Variants in LRFN5 observed in about 807,000 individuals in gnomAD.
LRFN5 encodes the protein leucine-rich repeat and fibronectin type-III domain-containing protein 5.
In LRFN5, 24 loss-of-function variants were observed where a neutral mutation model predicts 45.6. The observed-to-expected ratio is 0.53, with a 90% CI of 0.38 to 0.74. The LOEUF is 0.74. Among genes scored for constraint, LRFN5 ranks in the 30% least tolerant of loss-of-function variants. The probability of loss-of-function intolerance (pLI) is 0.00; values close to 1 mark genes in which losing one functional copy is unlikely to be tolerated. For synonymous variants in LRFN5, 340 were observed against 313.8 expected (o/e 1.08, Z -0.88); for missense variants, 776 against 861.5 (o/e 0.90, Z 1.24).
chr14:41,891,538 T>G lies in LRFN5; in HGVS notation c.1674T>G (p.Asn558Lys). The G allele has an allele frequency of 5.0e-6, 8 of 1,614,202 alleles. No individual in the cohort carries two copies. The highest frequency in any genetic ancestry group is 6.8e-6 in the Non-Finnish European group (8 of 1,180,040). Residue 558 changes from asparagine to lysine, a missense_variant, in exon 4 of 6, where the codon AAT becomes AAG. Coordinates refer to ENST00000298119, the MANE Select transcript of LRFN5 (RefSeq NM_152447.5). ...LMIRYKVCNNNGQHKVTKVSN... is the reference protein window; with the variant it reads ...LMIRYKVCNNKGQHKVTKVSN... ...TCCGGTATAAGGTTTGCAACAATAATGGGCAACACAAGGTCACCAAGGTTA... is the reference window on the plus strand; with the variant it reads ...TCCGGTATAAGGTTTGCAACAATAAGGGGCAACACAAGGTCACCAAGGTTA...
rs1276978926 is a variant in LRFN5 at position 41,904,413 on chromosome 14, T to C, written c.*238T>C. The stretch of plus-strand genomic sequence containing the variant: ...CTTCTGGCCTACAAGTATTTTTTTT[T>C]TAAAAAAGAAAAAAAGCCTACATTG... On this transcript the variant is annotated 3_prime_UTR_variant, in exon 6 of 6. Coordinates refer to ENST00000298119, the MANE Select transcript of LRFN5 (RefSeq NM_152447.5). 2 of 445,736 alleles carry C rather than the reference T, an allele frequency of 4.5e-6. No homozygotes were observed. Among genetic ancestry groups the C allele is most frequent in the African/African-American group, 4.1e-5 (2 of 49,220 alleles). 27.6% of individuals were successfully genotyped at this position (445,736 alleles called of 1,614,324 possible).
intron 1 of LRFN5, among the ~76,000 whole-genome samples, chr14:41,738,790 A>T (rs1260524794): frequency 6.6e-6 from 1 of 152,132 alleles, no homozygotes; most frequent in Non-Finnish European, 1.5e-5. Flanking sequence ...ATGTGTCTTA[A>T]TGTAGGTTGT....
intron 2 of LRFN5, among the ~76,000 whole-genome samples, chr14:41,859,404 CT>C (rs1300374230): frequency 6.6e-6 from 1 of 152,204 alleles, no homozygotes; most frequent in Non-Finnish European, 1.5e-5. Context: ...CCATTTGCAC[CT>C]GTTTGAGAGG....
At chr14:41,675,531 G>T (rs1881589921) in intron 1 of LRFN5, among the ~76,000 whole-genome samples, 1 of 152,204 alleles carries the variant, frequency 6.6e-6, no homozygotes, top group African/African-American at 2.4e-5. Context: ...CAGGGAGGTT[G>T]CAGTGAGCCG....
At chr14:41,717,457 C>T (rs1883539107) in intron 1 of LRFN5, among the ~76,000 whole-genome samples, 1 of 152,178 alleles carries the variant, frequency 6.6e-6, no homozygotes, top group African/African-American at 2.4e-5. Context: ...TTGCCACCTA[C>T]ATGGTGAAGC....
intron 1 of LRFN5, among the ~76,000 whole-genome samples, chr14:41,706,528 G>T (rs73297727): frequency 0.045 from 6,906 of 151,968 alleles, 514 homozygotes; most frequent in African/African-American, 0.16. Context: ...TATATTGTCA[G>T]TCTGACTTTT....
At chr14:41,735,368 A>T (rs1054988257) in intron 1 of LRFN5, among the ~76,000 whole-genome samples, 1 of 152,094 alleles carries the variant, frequency 6.6e-6, no homozygotes, top group Non-Finnish European at 1.5e-5. Flanking sequence ...CCTGGGCTCA[A>T]GCAATCTCCC....
chr14:41,807,048 A>C (rs146666498), intron 2 of LRFN5, among the ~76,000 whole-genome samples: 49 of 152,266 alleles, frequency 3.2e-4, no homozygotes, highest in African/African-American at 1.2e-3. Context: ...ACTAACTTGC[A>C]TGGCTGTTGA....
chr14:41,771,668 A>G (rs780245004), intron 2 of LRFN5, among the ~76,000 whole-genome samples: 26 of 152,132 alleles, frequency 1.7e-4, no homozygotes, highest in Non-Finnish European at 3.4e-4. Context: ...TCCATTTCCC[A>G]GTAACTTCCT....
At chr14:41,897,089 AAAAT>A (rs527665190) in intron 4 of LRFN5, among the ~76,000 whole-genome samples, 1,691 of 148,528 alleles carry the variant, frequency 0.011, 16 homozygotes, top group African/African-American at 0.026. Context: ...AGACTCTGTC[AAAAT>A]AAATAAATAA....
chr14:41,721,322 C>T (rs187706665), intron 1 of LRFN5, among the ~76,000 whole-genome samples: 2 of 152,100 alleles, frequency 1.3e-5, no homozygotes, highest in East Asian at 1.9e-4. Flanking sequence ...CTTTTTAATC[C>T]GACTTGCAAT....
At chr14:41,865,580 A>G (rs898910401) in intron 2 of LRFN5, among the ~76,000 whole-genome samples, 8 of 152,110 alleles carry the variant, frequency 5.3e-5, no homozygotes, top group African/African-American at 1.9e-4. Flanking sequence ...CTGGTGTGTA[A>G]TTAGGAATGG....
chr14:41,839,587 A>G (rs1888788753), intron 2 of LRFN5, among the ~76,000 whole-genome samples: 1 of 152,106 alleles, frequency 6.6e-6, no homozygotes, highest in South Asian at 2.1e-4. Context: ...TTATCAAATA[A>G]TATGCATTCT....
At chr14:41,772,217 A>C (rs372901063) in intron 2 of LRFN5, among the ~76,000 whole-genome samples, 1 of 152,296 alleles carries the variant, frequency 6.6e-6, no homozygotes, top group African/African-American at 2.4e-5. Context: ...ATTCGTGAGA[A>C]ATCCACCCTC....
rs573641883 is a variant in LRFN5, at chr14:41,782,528, G to C, written c.-21+15499G>C. Among the ~76,000 whole-genome samples, 3 of 152,124 alleles carry C rather than the reference G, an allele frequency of 2.0e-5. No homozygotes were observed. The South Asian group carries it at 6.2e-4, about 32-fold the overall frequency. On this transcript the variant is annotated intron_variant, in intron 2 of 5. Coordinates refer to ENST00000298119, the MANE Select transcript of LRFN5 (RefSeq NM_152447.5). ...AAAACCTGAGTCATATTTGAATCTT[G>C]TTGTGATGTTTGCTTTGTCTCTTTA...
intron 1 of LRFN5, among the ~76,000 whole-genome samples, chr14:41,708,159 A>G (rs1883142126): frequency 6.6e-6 from 1 of 152,000 alleles, no homozygotes; most frequent in Non-Finnish European, 1.5e-5. Flanking sequence ...TATTTTTGGG[A>G]AGACATTTCT....
intron 1 of LRFN5, among the ~76,000 whole-genome samples, chr14:41,735,482 G>A (rs1447270630): frequency 6.6e-6 from 1 of 151,868 alleles, no homozygotes; most frequent in Non-Finnish European, 1.5e-5. Context: ...ATGTTGCTCA[G>A]GCTGGTCATA....
At chr14:41,789,304 TA>T (rs926329734) in intron 2 of LRFN5, among the ~76,000 whole-genome samples, 2 of 152,008 alleles carry the variant, frequency 1.3e-5, no homozygotes, top group South Asian at 2.1e-4. Flanking sequence ...CTATTGGATA[TA>T]AAAAATTATG....
chr14:41,796,464 C>A (rs1053949247), intron 2 of LRFN5, among the ~76,000 whole-genome samples: 9 of 151,770 alleles, frequency 5.9e-5, no homozygotes, highest in Non-Finnish European at 8.8e-5. Flanking sequence ...CAGACAGTTC[C>A]TCTATATTAG....
Sources: allele counts gnomAD v4.1 joint callset (sites outside exome capture counted in the v4.1 genomes callset), GRCh38; gene constraint gnomAD v4.1.1; transcripts MANE v1.5; gene names NCBI Gene and HGNC (gene_info 2026-07-23, HGNC 2026-07-21).